Variants in ZNF329 observed in about 807,000 individuals in gnomAD.
ZNF329 encodes the protein zinc finger protein 329.
ZNF329 carries 15 observed loss-of-function variants against 26.6 expected under a neutral mutation model. The observed-to-expected ratio is 0.56, with a 90% CI of 0.38 to 0.87. The LOEUF (loss-of-function observed/expected upper bound fraction) is 0.87, where lower values mean the gene tolerates loss of function less well. Ranked by LOEUF, ZNF329 falls within the 40% of genes least tolerant of loss-of-function variation. The pLI, the probability that ZNF329 is intolerant of heterozygous loss-of-function variation, is 0.00. For missense variants in ZNF329, 651 were observed against 651.9 expected, an observed-to-expected ratio of 1.00 and a Z score of 0.02; for synonymous variants, 239 against 233.5, an observed-to-expected ratio of 1.02 and a Z score of -0.21.
At chr19:58,153,896 TCTCA>T (rs1048882335), upstream of ZNF329, among the ~76,000 whole-genome samples, 1 of 151,914 alleles carries the variant, frequency 6.6e-6, no homozygotes, top group Non-Finnish European at 1.5e-5. Context: ...ACAGATGGGG[TCTCA>T]CTATTTTACC....
chr19:58,152,424 CA>C (rs35940938), upstream of ZNF329, among the ~76,000 whole-genome samples: 655 of 118,118 alleles, frequency 5.5e-3, 2 homozygotes, highest in Middle Eastern at 8.9e-3. Context: ...TACTCGGTCT[CA>C]AAAAAAAAAA....
At chr19:58,137,871 T>C (rs2075107585) in intron 3 of ZNF329, among the ~76,000 whole-genome samples, 1 of 150,090 alleles carries the variant, frequency 6.7e-6, no homozygotes, top group Admixed American at 6.6e-5. Flanking sequence ...CCCAGCTACT[T>C]GGGAAGCTGA....
intron 3 of ZNF329, among the ~76,000 whole-genome samples, chr19:58,134,800 T>C (rs1364369935): frequency 2.0e-5 from 3 of 152,144 alleles, no homozygotes; most frequent in African/African-American, 7.2e-5. Flanking sequence ...CGAGGCATGG[T>C]GGCACATGCC....
rs1038291342 is a variant in ZNF329, at chr19:58,128,092, G to C, written c.1412C>G (p.Thr471Ser). 3.1e-6 allele frequency: 5 copies of C among 1,607,600 alleles called. No homozygotes were observed. In the African/African-American group the frequency reaches 4.0e-5, roughly 13 times the overall value. Residue 471 changes from threonine to serine, a missense_variant, in exon 4 of 4, where the codon ACC becomes AGC. By Grantham distance (58) the Thr-to-Ser change is moderately conservative. Coordinates refer to ENST00000598312, the MANE Select transcript of ZNF329 (RefSeq NM_024620.4). ...GKAFRDSSCLTKHQRIHTKET... is the reference protein window; with the variant it reads ...GKAFRDSSCLSKHQRIHTKET... ...CTTAGTGTGAATTCTCTGGTGCTTG[G>C]TCAGACAGGAGCTGTCCCTGAAGGC...
chr19:58,131,358 T>C (rs1214823902), intron 3 of ZNF329, among the ~76,000 whole-genome samples: 1 of 151,670 alleles, frequency 6.6e-6, no homozygotes, highest in Non-Finnish European at 1.5e-5. Flanking sequence ...GAGGCTGCAG[T>C]GAGCTGTAAT....
At chr19:58,150,591 C>A (rs909819812) in intron 1 of ZNF329, among the ~76,000 whole-genome samples, 161 bp downstream of exon 1, 2 of 152,268 alleles carry the variant, frequency 1.3e-5, no homozygotes, top group Non-Finnish European at 2.9e-5. Flanking sequence ...CCTGGCCAGA[C>A]CCTCGCCCTA....
chr19:58,132,155 A>C (rs1412950184), intron 3 of ZNF329: 1 of 152,268 alleles, frequency 6.6e-6, no homozygotes, highest in Non-Finnish European at 1.5e-5. Context: ...ACGTGAGTAA[A>C]AATAAAATGA....
intron 1 of ZNF329, among the ~76,000 whole-genome samples, chr19:58,143,421 G>A (rs371451617): frequency 2.0e-5 from 3 of 152,240 alleles, no homozygotes; most frequent in Admixed American, 6.5e-5. Flanking sequence ...TTACTGATGC[G>A]TGACAAAATT....
rs1239624949 is a variant in ZNF329 at position 58,128,723 on chromosome 19, A to T, written c.781T>A (p.Cys261Ser). The T allele has an allele frequency of 1.9e-6, 3 of 1,607,764 alleles. No homozygotes were observed. Among genetic ancestry groups the T allele is most frequent in the Non-Finnish European group, 1.7e-6 (2 of 1,177,240 alleles). Residue 261 changes from cysteine (C) to serine (S), a missense_variant, in exon 4 of 4, where the codon TGC (cysteine) becomes AGC (serine). By Grantham distance (112) the Cys-to-Ser change is moderately radical. Transcript: ENST00000598312. ...CTGAAAGCTTTCCCACATTTACTGC[A>T]TTCATAGGGCTTCTCTCCTGTGTGG... ...RIHTGEKPYE[C>S]SKCGKAFSDG...
chr19:58,144,362 A>C (rs1371241291), intron 1 of ZNF329, among the ~76,000 whole-genome samples: 2 of 75,946 alleles, frequency 2.6e-5, no homozygotes, highest in African/African-American at 1.0e-4. Context: ...ATATCTATCT[A>C]TCTATCTATC....
At position 58,148,478 on chromosome 19, in the gene ZNF329, C is replaced by G. The variant is rs186699957; in HGVS notation, c.-208+2274G>C. ...TCAGATTGGCAGGAAAAAAAAATTA[C>G]AAATAAAAAACAATTAGTTTTTTGA... On this transcript the variant is annotated intron_variant, in intron 1 of 3. Transcript: ENST00000598312. Among the ~76,000 whole-genome samples, 567 of 142,482 alleles carry G rather than the reference C, an allele frequency of 4.0e-3. 6 individuals are homozygous for G. The highest frequency in any genetic ancestry group is 0.014 in the African/African-American group (544 of 38,226). 93.5% of individuals were successfully genotyped at this position (142,482 alleles called of 152,430 possible).
chr19:58,147,638 G>T (rs1180055136), intron 1 of ZNF329, among the ~76,000 whole-genome samples: 1 of 146,492 alleles, frequency 6.8e-6, no homozygotes, highest in Non-Finnish European at 1.5e-5. Context: ...CGTCCAGGAG[G>T]GAGGTGGGGG....
chr19:58,147,270 C>T (rs2075336925), intron 1 of ZNF329, among the ~76,000 whole-genome samples: 1 of 150,820 alleles, frequency 6.6e-6, no homozygotes, highest in Non-Finnish European at 1.5e-5. Context: ...AGACCCTCCG[C>T]CTGGCAACCG....
intron 1 of ZNF329, among the ~76,000 whole-genome samples, chr19:58,145,085 G>A (rs867612738): frequency 2.1e-5 from 3 of 140,768 alleles, no homozygotes; most frequent in Admixed American, 1.4e-4. Flanking sequence ...TCCTGACCTC[G>A]TGACCCGCCC....
At chr19:58,147,034 C>T (rs2075328712) in intron 1 of ZNF329, among the ~76,000 whole-genome samples, 1 of 151,544 alleles carries the variant, frequency 6.6e-6, no homozygotes, top group African/African-American at 2.4e-5. Context: ...GTGAGGAGCC[C>T]CTCTGCCTGG....
chr19:58,146,915 C>CA (rs1270354774), intron 1 of ZNF329, among the ~76,000 whole-genome samples: 1 of 151,958 alleles, frequency 6.6e-6, no homozygotes, highest in Non-Finnish European at 1.5e-5. Context: ...CTCCACCTCC[C>CA]AGCCACCTGC....
In ZNF329 at chr19:58,127,629, G is replaced by A; in HGVS notation, c.*249C>T. On this transcript the variant is annotated 3_prime_UTR_variant, in exon 4 of 4. Transcript: ENST00000598312. The stretch of plus-strand genomic sequence containing the variant: ...CCCCATGTTTGCACATTTCATTCCA[G>A]TGTGTGTGTTGTCATGTCTGGTACA... 2.5e-6 allele frequency: 1 copy of A among 403,104 alleles called. No homozygotes were observed. The highest frequency in any genetic ancestry group is 4.4e-6 in the Non-Finnish European group (1 of 225,782). 25.0% of individuals were successfully genotyped at this position (403,104 alleles called of 1,614,324 possible).
Position 58,127,736 on chromosome 19 carries a change from G to T in ZNF329, c.*142C>A. 2.4e-6 allele frequency: 2 copies of T among 845,766 alleles called. No individual in the cohort carries two copies. Among genetic ancestry groups the T allele is most frequent in the Non-Finnish European group, 3.6e-6 (2 of 551,212 alleles). 52.4% of individuals were successfully genotyped at this position (845,766 alleles called of 1,614,324 possible). ...CCCAATGAGCAGACTTAACAGTGTGGCTCAGCAATGTCTCACATTCATCAA... is the reference window on the plus strand; with the variant it reads ...CCCAATGAGCAGACTTAACAGTGTGTCTCAGCAATGTCTCACATTCATCAA... On this transcript the variant is annotated 3_prime_UTR_variant, in exon 4 of 4. Transcript: ENST00000598312.
At chr19:58,148,650 C>T (rs376197765) in intron 1 of ZNF329, among the ~76,000 whole-genome samples, 3 of 152,000 alleles carry the variant, frequency 2.0e-5, no homozygotes, top group Non-Finnish European at 4.4e-5. Context: ...ACCAGGAGTT[C>T]AAGAACAGTC....
Sources: gnomAD v4.1 joint callset for allele counts (sites outside exome capture counted in the v4.1 genomes callset) on GRCh38, gnomAD v4.1.1 for gene constraint, MANE v1.5 for transcripts, NCBI Gene and HGNC (gene_info 2026-07-23, HGNC 2026-07-21) for gene names.